HCFC2: variants seen among roughly 807,000 people sequenced by gnomAD.
HCFC2 encodes the protein host cell factor 2.
HCFC2 carries 18 observed loss-of-function variants against 89.2 expected under a neutral mutation model. The observed-to-expected ratio is 0.20, with a 90% CI of 0.14 to 0.30. HCFC2 has a LOEUF of 0.30. Ranked by LOEUF, HCFC2 falls within the 10% of genes least tolerant of loss-of-function variation. The pLI, the probability that HCFC2 is intolerant of heterozygous loss-of-function variation, is 1.00. For synonymous variants in HCFC2, 308 were observed against 335.7 expected, an observed-to-expected ratio of 0.92 and a Z score of 0.90; for missense variants, 578 against 956.1, an observed-to-expected ratio of 0.60 and a Z score of 5.21.
At position 104,095,404 on chromosome 12, in the gene HCFC2, G is replaced by C. The variant is rs1884145778; in HGVS notation, c.1507G>C (p.Asp503His). 6.2e-7 allele frequency: 1 copy of C among 1,613,646 alleles called. No individual in the cohort carries two copies. Among genetic ancestry groups the C allele is most frequent in the Non-Finnish European group, 8.5e-7 (1 of 1,179,746 alleles). The change falls in exon 11 of 15, where the codon GAT becomes CAT. Residue 503 changes from aspartate to histidine, a missense_variant. By Grantham distance (81) the Asp-to-His change is moderately conservative (BLOSUM62 -1). Around this residue, in one of 4 missense-constraint regions of HCFC2, gnomAD observed 210 missense variants for 251.7 expected, o/e 0.83. Transcript: ENST00000229330. The surrounding 1 kb of genome is among the most constrained non-coding windows in gnomAD (Gnocchi z 4.2). ...ANVGVLSSCL[D>H]VRTVIPETSV... ...TGTAGGTGTTCTAAGTAGTTGCCTG[G>C]ATGTAAGAACAGTAATTCCTGAAAC...
At chr12:104,066,426 CA>C (rs1278490918) in intron 2 of HCFC2, 111 bp downstream of exon 2, 2 of 742,320 alleles carry the variant, frequency 2.7e-6, no homozygotes, top group Non-Finnish European at 4.3e-6. Flanking sequence ...TAATATTATT[CA>C]AGTAATGTAT....
At chr12:104,092,697 A>G (rs891400735) in intron 9 of HCFC2, among the ~76,000 whole-genome samples, 3 of 151,954 alleles carry the variant, frequency 2.0e-5, no homozygotes, top group Non-Finnish European at 4.4e-5. Context: ...TTGCTTGAAC[A>G]CAGGAGGTGC....
intron 3 of HCFC2, among the ~76,000 whole-genome samples, chr12:104,073,384 C>T (rs946256758): frequency 5.9e-5 from 9 of 151,650 alleles, no homozygotes; most frequent in African/African-American, 2.2e-4. Flanking sequence ...AGGCTGGTCT[C>T]GAACTCCTGA....
At chr12:104,100,994 A>G (rs1399561252) in intron 13 of HCFC2, among the ~76,000 whole-genome samples, 1 of 152,206 alleles carries the variant, frequency 6.6e-6, no homozygotes, top group Non-Finnish European at 1.5e-5. Flanking sequence ...TCTTAGATTC[A>G]GTTTCCTCAT....
intron 7 of HCFC2, 48 bp from the exon 8 acceptor site, chr12:104,086,799 A>G: frequency 6.5e-7 from 1 of 1,550,312 alleles, no homozygotes; most frequent in African/African-American, 1.4e-5. Context: ...TCAGCAAACC[A>G]TTTATACACT....
chr12:104,088,024 A>G lies in HCFC2; in HGVS notation c.1270A>G (p.Ile424Val). The G allele has an allele frequency of 1.2e-6, 2 of 1,607,552 alleles. No homozygotes were observed. Among genetic ancestry groups the G allele is most frequent in the Non-Finnish European group, 1.7e-6 (2 of 1,175,962 alleles). ...CCCTCACAGACAAGGCAGTAATAAC[A>G]TCGTTCCTAACAGTGTAAGTAAAAA... ...MDPHRQGSNNIVPNSINDTIN... is the reference protein window; with the variant it reads ...MDPHRQGSNNVVPNSINDTIN... The change falls in exon 9 of 15, where the codon ATC (isoleucine) becomes GTC (valine). Residue 424 changes from isoleucine to valine, a missense_variant. This residue lies in a region of HCFC2 where 210 missense variants were observed against 251.7 expected (regional missense o/e 0.83). Coordinates refer to ENST00000229330, the MANE Select transcript of HCFC2 (RefSeq NM_013320.3).
intron 4 of HCFC2, among the ~76,000 whole-genome samples, chr12:104,080,169 T>A (rs1883639896): frequency 6.6e-6 from 1 of 152,094 alleles, no homozygotes; most frequent in East Asian, 1.9e-4. Context: ...AGTGGTAAAA[T>A]CTCTAATATT....
intron 3 of HCFC2, among the ~76,000 whole-genome samples, chr12:104,069,030 G>A (rs1405449858): frequency 6.6e-6 from 1 of 152,016 alleles, no homozygotes; most frequent in Non-Finnish European, 1.5e-5. Flanking sequence ...TCACCACCAG[G>A]CGTTGTGGCT....
At position 104,102,991 on chromosome 12, in the gene HCFC2, T is replaced by C; in HGVS notation, c.2097T>C (p.Pro699=). 1 of 1,608,400 alleles carries C rather than the reference T, an allele frequency of 6.2e-7. No individual in the cohort carries two copies. Among genetic ancestry groups the C allele is most frequent in the Non-Finnish European group, 8.5e-7 (1 of 1,176,840 alleles). ...AAGGTATCCACCTTTCCTGGGAACC[T>C]CCAACCTCACCTTCTGGAAATATTT... ...NVEGIHLSWE[P]PTSPSGNILE... is the part of the protein sequence containing the mutation. Residue 699 remains proline (P), a synonymous_variant, in exon 15 of 15, where the codon CCT becomes CCC. Coordinates refer to ENST00000229330, the MANE Select transcript of HCFC2 (RefSeq NM_013320.3).
chr12:104,075,094 C>T (rs1883452508), intron 3 of HCFC2, among the ~76,000 whole-genome samples: 1 of 151,598 alleles, frequency 6.6e-6, no homozygotes, highest in African/African-American at 2.4e-5. Flanking sequence ...GTGGTACGCA[C>T]CTATAGTCCC....
intron 5 of HCFC2, 50 bp downstream of exon 5, chr12:104,080,880 T>A: frequency 8.5e-7 from 1 of 1,171,956 alleles, no homozygotes; most frequent in Non-Finnish European, 1.2e-6. Flanking sequence ...AAAAACAACT[T>A]AAGAAGCACA....
chr12:104,080,875 CAACTTA>C, intron 5 of HCFC2, 45 bp downstream of exon 5: 1 of 1,236,984 alleles, frequency 8.1e-7, no homozygotes, highest in Non-Finnish European at 1.2e-6. Flanking sequence ...TTTAAAAAAA[CAACTTA>C]AGAAGCACAC....
In HCFC2 at chr12:104,068,775, G is replaced by A. The variant is rs1469631260; in HGVS notation, c.473+668G>A. Reference sequence around the variant, plus strand: ...TGTAAATAATGGGGCTATCTACATTGTTGACCCCTATTATAGCTAATGTTG... The same window carrying A: ...TGTAAATAATGGGGCTATCTACATTATTGACCCCTATTATAGCTAATGTTG... On this transcript the variant is annotated intron_variant, in intron 3 of 14. Coordinates refer to ENST00000229330, the MANE Select transcript of HCFC2 (RefSeq NM_013320.3). This position sits in a 1 kb window ranked among gnomAD's most constrained non-coding sequence, Gnocchi z 4.1. 6.6e-6 allele frequency among the ~76,000 whole-genome samples: 1 copy of A among 151,988 alleles called. No homozygotes were observed. Among genetic ancestry groups the A allele is most frequent in the Non-Finnish European group, 1.5e-5 (1 of 68,024 alleles).
rs192060036 is a variant in HCFC2 at position 104,102,951 on chromosome 12, C to A, written c.2065-8C>A. 61 of 1,592,268 alleles carry A rather than the reference C, an allele frequency of 3.8e-5. No homozygotes were observed. The highest frequency in any genetic ancestry group is 9.4e-5 in the African/African-American group (7 of 74,296). ...ACCTTTAACCTGTTTTTTCCCCCCCCCTTCAAGAATGTTGAAGGTATCCAC... is the reference window on the plus strand; with the variant it reads ...ACCTTTAACCTGTTTTTTCCCCCCCACTTCAAGAATGTTGAAGGTATCCAC... On this transcript the variant is annotated splice_polypyrimidine_tract_variant and splice_region_variant and intron_variant, in intron 14 of 14. Transcript: ENST00000229330.
intron 3 of HCFC2, 127 bp from the exon 4 acceptor site, chr12:104,079,318 T>A (rs1883609581): frequency 1.4e-6 from 1 of 716,636 alleles, no homozygotes; most frequent in Non-Finnish European, 2.3e-6. Flanking sequence ...GTTTCTGCTC[T>A]CCTAATGCCT....
Position 104,101,961 on chromosome 12 carries a change from AT to A in HCFC2, c.1879-3del. 6.3e-7 allele frequency: 1 copy of A among 1,577,488 alleles called. No individual in the cohort carries two copies. The highest frequency in any genetic ancestry group is 8.6e-7 in the Non-Finnish European group (1 of 1,158,158). On this transcript the variant is annotated splice_polypyrimidine_tract_variant and splice_region_variant and intron_variant, in intron 13 of 14. Coordinates refer to ENST00000229330, the MANE Select transcript of HCFC2 (RefSeq NM_013320.3). ...TTTCTTTGACTTTTGCATATACTAC[AT>A]TTTAGGTAGGAAATGCAGATGTACC...
In HCFC2 at chr12:104,105,660, G is replaced by A. The variant is rs1565818385; in HGVS notation, c.*2387G>A. 2 of 150,462 alleles carry A rather than the reference G, an allele frequency of 1.3e-5. No individual in the cohort carries two copies. The highest frequency in any genetic ancestry group is 3.0e-5 in the Non-Finnish European group (2 of 67,690). The allele number at this position is 150,462 out of a possible 1,614,324, so 9.3% of individuals were successfully genotyped here. A position where few individuals can be genotyped will look rare whatever the true frequency, so the allele number is the denominator to read the frequency against. ...GATAAGGGATTGCTGACTAAAAAAT[G>A]CCATTAAGAAATCTCTGTGGCTTTG... On this transcript the variant is annotated 3_prime_UTR_variant, in exon 15 of 15. Coordinates refer to ENST00000229330, the MANE Select transcript of HCFC2 (RefSeq NM_013320.3).
At position 104,095,470 on chromosome 12, in the gene HCFC2, A is replaced by G; in HGVS notation, c.1573A>G (p.Thr525Ala). 1 of 1,613,794 alleles carries G rather than the reference A, an allele frequency of 6.2e-7. No individual in the cohort carries two copies. The highest frequency in any genetic ancestry group is 8.5e-7 in the Non-Finnish European group (1 of 1,179,790). ...TGTTTCCAGCACACAAACTATGGTA[A>G]CCCAGCAGACCATTAAAACTGAATC... ...STVSSTQTMV[T>A]QQTIKTESSS... The change falls in exon 11 of 15, where the codon ACC becomes GCC. Residue 525 changes from threonine (T) to alanine (A), a missense_variant. Around this residue, in one of 4 missense-constraint regions of HCFC2, gnomAD observed 210 missense variants for 251.7 expected, o/e 0.83. Transcript: ENST00000229330. The surrounding 1 kb of genome is among the most constrained non-coding windows in gnomAD (Gnocchi z 4.2).
rs758122687 is a variant in HCFC2, at chr12:104,096,392, A to G, written c.1699A>G (p.Ile567Val). 3 of 1,607,560 alleles carry G rather than the reference A, an allele frequency of 1.9e-6. No individual in the cohort carries two copies. In the Admixed American group the frequency reaches 5.0e-5, roughly 27 times the overall value. Residue 567 changes from isoleucine to valine, a missense_variant, in exon 12 of 15, where the codon ATC becomes GTC. By Grantham distance (29) the Ile-to-Val change is conservative. This residue lies in a region of HCFC2 where 210 missense variants were observed against 251.7 expected (regional missense o/e 0.83). Coordinates refer to ENST00000229330, the MANE Select transcript of HCFC2 (RefSeq NM_013320.3). ...AACATATGCACTGCCTGCAACGAAG[A>G]TCAGCCGTGTAGAGACACATGCTAC... ...DETYALPATK[I>V]SRVETHATAT...
Sources: allele counts gnomAD v4.1 joint callset (sites outside exome capture counted in the v4.1 genomes callset), GRCh38; gene constraint gnomAD v4.1.1; regional missense constraint gnomAD v4.1.1; non-coding constraint Gnocchi (gnomAD v3.1); transcripts MANE v1.5; gene names NCBI Gene and HGNC (gene_info 2026-07-23, HGNC 2026-07-21).